Variants in G3BP2 observed in about 807,000 individuals in gnomAD.
G3BP2 encodes the protein G3BP stress granule assembly factor 2, also known as ras GTPase-activating protein-binding protein 2.
Under a neutral mutation model 56.7 loss-of-function variants are expected in G3BP2, and 11 were observed. That is an observed-to-expected ratio of 0.19 (90% CI 0.12 to 0.32). The LOEUF (loss-of-function observed/expected upper bound fraction) is 0.32, where lower values mean the gene tolerates loss of function less well. Ranked by LOEUF, G3BP2 falls within the 10% of genes least tolerant of loss-of-function variation. G3BP2 has a pLI of 1.00. For synonymous variants in G3BP2, 165 were observed against 191.6 expected (o/e 0.86, Z 1.15); for missense variants, 340 against 610.9 (o/e 0.56, Z 4.67).
Position 75,657,685 on chromosome 4 carries a change from T to C in G3BP2, c.223A>G (p.Thr75Ala). The C allele has an allele frequency of 6.2e-7, 1 of 1,612,870 alleles. No individual in the cohort carries two copies. Among genetic ancestry groups the C allele is most frequent in the Non-Finnish European group, 8.5e-7 (1 of 1,178,910 alleles). Reference protein sequence around the residue: ...VLSLNFSECHTKIRHVDAHAT... With the variant: ...VLSLNFSECHAKIRHVDAHAT... ...TGAGCATCCACATGACGAATTTTAG[T>C]ATGACATTCACTGAAGTTCAGAGAT... The change falls in exon 4 of 12, where the codon ACT becomes GCT. Residue 75 changes from threonine to alanine, a missense_variant. Around this residue, in one of 4 missense-constraint regions of G3BP2, gnomAD observed 224 missense variants for 332.5 expected, o/e 0.67. Coordinates refer to ENST00000359707, the MANE Select transcript of G3BP2 (RefSeq NM_203505.3).
At chr4:75,718,261 T>C (rs1720006045) in intron 3 of G3BP2, among the ~76,000 whole-genome samples, 1 of 150,552 alleles carries the variant, frequency 6.6e-6, no homozygotes, top group African/African-American at 2.4e-5. Flanking sequence ...AGGTGTTTCA[T>C]AAGTAATTCT....
chr4:75,686,399 A>G (rs1351432774), intron 3 of G3BP2, among the ~76,000 whole-genome samples: 1 of 152,050 alleles, frequency 6.6e-6, no homozygotes, highest in African/African-American at 2.4e-5. Flanking sequence ...GAACAGAGGA[A>G]ATGGGGAAAT....
intron 1 of G3BP2, among the ~76,000 whole-genome samples, chr4:75,669,308 G>A (rs999455931): frequency 1.3e-5 from 2 of 152,142 alleles, no homozygotes; most frequent in Admixed American, 1.3e-4. Context: ...CCTTATTTCT[G>A]TTAAAAGTGT....
At chr4:75,676,842 C>A (rs1357979409), upstream of G3BP2, among the ~76,000 whole-genome samples, 3 of 152,116 alleles carry the variant, frequency 2.0e-5, no homozygotes, top group Admixed American at 1.3e-4. Flanking sequence ...AATCTCAGGT[C>A]CTTACCATGG....
intron 7 of G3BP2, 21 bp from the exon 8 acceptor site, chr4:75,654,102 C>CT: frequency 9.3e-7 from 1 of 1,076,190 alleles, no homozygotes. Flanking sequence ...TGCAACAAAC[C>CT]TAGACTACTA....
intron 11 of G3BP2, 118 bp from the exon 12 acceptor site, chr4:75,645,820 C>G: frequency 3.5e-6 from 3 of 846,874 alleles, no homozygotes; most frequent in Non-Finnish European, 5.5e-6. Flanking sequence ...CAGCCCCCCA[C>G]CCCCCAGAGA....
chr4:75,674,714 ATATATTTTTTT>A (rs1458837171), upstream of G3BP2, among the ~76,000 whole-genome samples: 22 of 54,804 alleles, frequency 4.0e-4, no homozygotes, highest in East Asian at 7.4e-3. Flanking sequence ...ATATATATAT[ATATATTTTTTT>A]TTTTTTTTTT....
chr4:75,705,215 C>A (rs1376822703), intron 3 of G3BP2, among the ~76,000 whole-genome samples: 1 of 152,206 alleles, frequency 6.6e-6, no homozygotes, highest in Non-Finnish European at 1.5e-5. Context: ...CATTAAACTG[C>A]CTGACCTCCC....
intron 8 of G3BP2, among the ~76,000 whole-genome samples, chr4:75,651,664 T>C (rs1350773773): frequency 1.3e-5 from 2 of 152,218 alleles, no homozygotes; most frequent in Non-Finnish European, 2.9e-5. Flanking sequence ...ACAGATAACA[T>C]GGCCAATATG....
intron 3 of G3BP2, among the ~76,000 whole-genome samples, chr4:75,698,112 A>G (rs1378329502): frequency 6.6e-6 from 1 of 152,230 alleles, no homozygotes; most frequent in African/African-American, 2.4e-5. Flanking sequence ...CAGAACAAAA[A>G]GGGACTTTGC....
chr4:75,663,557 T>G (rs1210150698), intron 1 of G3BP2, among the ~76,000 whole-genome samples: 1 of 152,080 alleles, frequency 6.6e-6, no homozygotes, highest in African/African-American at 2.4e-5. Context: ...AACTTATCAT[T>G]TACTGTAGGA....
At chr4:75,658,366 T>C (rs901949410) in intron 3 of G3BP2, among the ~76,000 whole-genome samples, 3 of 151,958 alleles carry the variant, frequency 2.0e-5, no homozygotes, top group African/African-American at 4.8e-5. Flanking sequence ...TGAACAACTA[T>C]TGACAATTTA....
intron 1 of G3BP2, among the ~76,000 whole-genome samples, chr4:75,723,740 G>C (rs72855778): frequency 0.035 from 5,335 of 152,154 alleles, 298 homozygotes; most frequent in African/African-American, 0.12. Context: ...GAGACCTGTG[G>C]GGAATCCAAG....
At position 75,644,331 on chromosome 4, in the gene G3BP2, T is replaced by C. The variant is rs1167359899; in HGVS notation, c.*1099A>G. 1 of 152,564 alleles carries C rather than the reference T, an allele frequency of 6.6e-6. No individual in the cohort carries two copies. Among genetic ancestry groups the C allele is most frequent in the African/African-American group, 2.4e-5 (1 of 41,430 alleles). The allele number at this position is 152,564 out of a possible 1,614,324, so 9.5% of individuals were successfully genotyped here. A position where few individuals can be genotyped will look rare whatever the true frequency, so the allele number is the denominator to read the frequency against. On this transcript the variant is annotated 3_prime_UTR_variant, in exon 12 of 12. Transcript: ENST00000359707. ...CCACAAACACACAGGACTCCCTCCC[T>C]CCCACAGAGAACACAAAGTTGTTAA... is the stretch of plus-strand genomic sequence containing the variant.
At chr4:75,714,821 C>G (rs1719876243) in intron 3 of G3BP2, among the ~76,000 whole-genome samples, 1 of 152,068 alleles carries the variant, frequency 6.6e-6, no homozygotes, top group Non-Finnish European at 1.5e-5. Context: ...AAATGTGATG[C>G]TGGAGATAGA....
At chr4:75,696,041 A>G (rs1273200690) in intron 3 of G3BP2, among the ~76,000 whole-genome samples, 1 of 151,950 alleles carries the variant, frequency 6.6e-6, no homozygotes, top group Non-Finnish European at 1.5e-5. Flanking sequence ...AGAATCCTAC[A>G]GCTTCACAGA....
chr4:75,674,165 C>G (rs541591277), upstream of G3BP2, among the ~76,000 whole-genome samples: 1 of 152,230 alleles, frequency 6.6e-6, no homozygotes, highest in East Asian at 1.9e-4. Flanking sequence ...TGGACAAAGC[C>G]AAGCCAAATC....
intron 1 of G3BP2, among the ~76,000 whole-genome samples, chr4:75,666,018 G>C (rs907190784): frequency 6.6e-6 from 1 of 152,120 alleles, no homozygotes; most frequent in African/African-American, 2.4e-5. Flanking sequence ...CATATTCATA[G>C]AGTACATACT....
intron 1 of G3BP2, among the ~76,000 whole-genome samples, chr4:75,667,216 G>A (rs371033315): frequency 1.7e-4 from 25 of 150,936 alleles, no homozygotes; most frequent in African/African-American, 5.8e-4. Context: ...CTGAGCCCGG[G>A]AAGTCAAGGC....
Sources: gnomAD v4.1 joint callset for allele counts (sites outside exome capture counted in the v4.1 genomes callset) on GRCh38, gnomAD v4.1.1 for gene constraint, gnomAD v4.1.1 regional missense constraint, MANE v1.5 for transcripts, NCBI Gene and HGNC (gene_info 2026-07-23, HGNC 2026-07-21) for gene names.